KLRG1: variants seen among roughly 807,000 people sequenced by gnomAD.
KLRG1 encodes killer cell lectin-like receptor subfamily G member 1.
Under a neutral mutation model 21.8 loss-of-function variants are expected in KLRG1, and 16 were observed. The observed-to-expected ratio is 0.73, with a 90% CI of 0.50 to 1.11. The LOEUF (loss-of-function observed/expected upper bound fraction) is 1.11, where lower values mean the gene tolerates loss of function less well. Among genes scored for constraint, KLRG1 ranks in the 50% most tolerant of loss-of-function variants. KLRG1 has a pLI of 0.00. For synonymous variants in KLRG1, 69 were observed against 75.9 expected (o/e 0.91, Z 0.47); for missense variants, 173 against 218.3 (o/e 0.79, Z 1.31).
intron 3 of KLRG1, among the ~76,000 whole-genome samples, chr12:9,000,899 G>A (rs1947287700): frequency 6.6e-6 from 1 of 152,160 alleles, no homozygotes; most frequent in Admixed American, 6.5e-5. Flanking sequence ...ACGGAGCAGG[G>A]CTTACTGACT....
intron 1 of KLRG1, among the ~76,000 whole-genome samples, chr12:8,951,063 T>G (rs1946193500): frequency 6.6e-6 from 1 of 152,278 alleles, no homozygotes; most frequent in African/African-American, 2.4e-5. Flanking sequence ...TTTTTCTTCC[T>G]GAAAATGAAA....
intron 1 of KLRG1, among the ~76,000 whole-genome samples, chr12:8,956,526 C>T (rs1946297148): frequency 6.6e-6 from 1 of 152,100 alleles, no homozygotes; most frequent in Non-Finnish European, 1.5e-5. Flanking sequence ...CTCACTGCAA[C>T]TTACTGCCTC....
intron 3 of KLRG1, 111 bp from the exon 4 acceptor site, chr12:9,008,864 G>A: frequency 1.4e-6 from 1 of 699,610 alleles, no homozygotes; most frequent in Non-Finnish European, 2.4e-6. Context: ...AGGAATGCTA[G>A]TTTGTCTTTT....
the KLRG1 span, among the ~76,000 whole-genome samples, chr12:9,046,643 T>C: frequency 5.9e-5 from 9 of 152,142 alleles, no homozygotes; most frequent in Non-Finnish European, 2.9e-5. Flanking sequence ...CAACCTAGAA[T>C]TGTATATTTA....
At chr12:9,129,421 A>G in the KLRG1 span, among the ~76,000 whole-genome samples, 4 of 152,124 alleles carry the variant, frequency 2.6e-5, no homozygotes, top group African/African-American at 9.6e-5. Flanking sequence ...TATAAAAAGT[A>G]ATGTATACTT....
chr12:9,152,204 A>C, the KLRG1 span: 4 of 1,543,714 alleles, frequency 2.6e-6, no homozygotes, highest in Non-Finnish European at 3.6e-6. Flanking sequence ...GTCTATTAGG[A>C]TTAAAATACA....
At chr12:9,133,258 C>T in the KLRG1 span, among the ~76,000 whole-genome samples, 1 of 152,042 alleles carries the variant, frequency 6.6e-6, no homozygotes, top group Non-Finnish European at 1.5e-5. Context: ...TGGGTTCAGT[C>T]AATATTTAAA....
At chr12:9,194,142 C>T in the KLRG1 span, 1 of 1,613,998 alleles carries the variant, frequency 6.2e-7, no homozygotes, top group Non-Finnish European at 8.5e-7. Flanking sequence ...AGACCCTGCT[C>T]ATTGGTGGTT....
At chr12:9,047,327 C>G in the KLRG1 span, among the ~76,000 whole-genome samples, 1 of 152,142 alleles carries the variant, frequency 6.6e-6, no homozygotes, top group African/African-American at 2.4e-5. Flanking sequence ...TGTGCACCAC[C>G]TGTGACTCAG....
At chr12:9,090,352 T>A in the KLRG1 span, 1 of 1,614,002 alleles carries the variant, frequency 6.2e-7, no homozygotes, top group Non-Finnish European at 8.5e-7. Flanking sequence ...AGTTTTTTGC[T>A]CACCTAATGA....
chr12:9,109,272 GTC>G, the KLRG1 span: 1 of 1,455,948 alleles, frequency 6.9e-7, no homozygotes, highest in South Asian at 1.2e-5. Context: ...CAAATGGTGA[GTC>G]TCTTTTAAAT....
the KLRG1 span, among the ~76,000 whole-genome samples, chr12:9,206,055 C>T: frequency 6.6e-6 from 1 of 152,172 alleles, no homozygotes; most frequent in Non-Finnish European, 1.5e-5. Context: ...AGCAGAGAAG[C>T]TGAGGGCAGT....
chr12:9,108,236 C>T, the KLRG1 span, among the ~76,000 whole-genome samples: 1 of 152,148 alleles, frequency 6.6e-6, no homozygotes, highest in Non-Finnish European at 1.5e-5. Flanking sequence ...TGCCATTCTC[C>T]TGCCTCAGCT....
chr12:9,087,242 A>ATGTC, the KLRG1 span, among the ~76,000 whole-genome samples: 81,005 of 151,558 alleles, frequency 0.53, 22,751 homozygotes, highest in African/African-American at 0.69. Flanking sequence ...CAAATTACTG[A>ATGTC]TGTCTAGTTA....
the KLRG1 span, chr12:9,160,622 T>TAA: frequency 1.2e-6 from 1 of 818,946 alleles, no homozygotes; most frequent in African/African-American, 1.7e-5. Flanking sequence ...AGAGTGTGAC[T>TAA]TCCAGAATCC....
chr12:9,026,906 AGT>A, the KLRG1 span, among the ~76,000 whole-genome samples: 1 of 151,842 alleles, frequency 6.6e-6, no homozygotes, highest in Non-Finnish European at 1.5e-5. Context: ...CCCAGGCTGG[AGT>A]ACCGTGGTGT....
intron 1 of KLRG1, among the ~76,000 whole-genome samples, chr12:8,978,053 C>T (rs1387689257): frequency 1.3e-5 from 2 of 152,158 alleles, no homozygotes; most frequent in Admixed American, 6.5e-5. Flanking sequence ...TCATTCTTTT[C>T]ATAGTGTGCA....
chr12:9,106,378 G>A, the KLRG1 span: 1 of 1,524,646 alleles, frequency 6.6e-7, no homozygotes, highest in Non-Finnish European at 9.0e-7. Context: ...GTTATTTTTG[G>A]GAAGAATGAT....
At chr12:9,173,146 C>T in the KLRG1 span, among the ~76,000 whole-genome samples, 1 of 152,188 alleles carries the variant, frequency 6.6e-6, no homozygotes, top group Admixed American at 6.5e-5. Context: ...GTGCAATCAA[C>T]TTAGAACTCA....
Sources: gnomAD v4.1 joint callset for allele counts (sites outside exome capture counted in the v4.1 genomes callset) on GRCh38, gnomAD v4.1.1 for gene constraint, MANE v1.5 for transcripts, NCBI Gene and HGNC (gene_info 2026-07-23, HGNC 2026-07-21) for gene names.